GIPC2: variants seen among roughly 807,000 people sequenced by gnomAD.
GIPC2 encodes PDZ domain-containing protein GIPC2.
In GIPC2, 30 loss-of-function variants were observed where a neutral mutation model predicts 30.6. The ratio of observed to expected loss-of-function variants is 0.98; its 90% confidence interval spans 0.73 to 1.33. The LOEUF is 1.33. Among genes scored for constraint, GIPC2 ranks in the 40% most tolerant of loss-of-function variants. The pLI, the probability that GIPC2 is intolerant of heterozygous loss-of-function variation, is 0.00. For synonymous variants in GIPC2, 167 were observed against 150.0 expected (o/e 1.11, Z -0.83); for missense variants, 414 against 390.3 (o/e 1.06, Z -0.51).
intron 1 of GIPC2, among the ~76,000 whole-genome samples, chr1:78,066,301 T>C (rs1557530160): frequency 6.6e-6 from 1 of 152,144 alleles, no homozygotes; most frequent in Non-Finnish European, 1.5e-5. Flanking sequence ...ACATCACTGA[T>C]CATTAGAAAA....
intron 1 of GIPC2, among the ~76,000 whole-genome samples, chr1:78,067,447 TTTTTC>T (rs1661539693): frequency 6.6e-6 from 1 of 152,132 alleles, no homozygotes; most frequent in South Asian, 2.1e-4. Context: ...TTTTCTTTTC[TTTTTC>T]TTTTCTTTCT....
chr1:78,095,265 A>G (rs1446418107), intron 3 of GIPC2, 133 bp downstream of exon 3: 2 of 596,884 alleles, frequency 3.4e-6, no homozygotes, highest in African/African-American at 1.8e-5. Flanking sequence ...AGTTAAAAAC[A>G]TAGAAAATGG....
At chr1:78,050,893 C>T (rs1661185041) in intron 1 of GIPC2, among the ~76,000 whole-genome samples, 1 of 152,118 alleles carries the variant, frequency 6.6e-6, no homozygotes, top group Admixed American at 6.5e-5. Flanking sequence ...CTCAGCCTCC[C>T]AAAGTGCTGA....
chr1:78,051,363 TTTAGA>T (rs1264807602), intron 1 of GIPC2, among the ~76,000 whole-genome samples: 1 of 152,210 alleles, frequency 6.6e-6, no homozygotes, highest in Non-Finnish European at 1.5e-5. Context: ...CTTTTACTTG[TTTAGA>T]TTAGTTTGCG....
intron 2 of GIPC2, among the ~76,000 whole-genome samples, chr1:78,093,838 T>C (rs1195332509): frequency 6.6e-6 from 1 of 152,162 alleles, no homozygotes. Flanking sequence ...TCCTCATCAC[T>C]GTGGAAGAAC....
intron 1 of GIPC2, among the ~76,000 whole-genome samples, chr1:78,055,776 A>G (rs1189649396): frequency 6.6e-6 from 1 of 152,154 alleles, no homozygotes; most frequent in Non-Finnish European, 1.5e-5. Context: ...TCCAGCCTAC[A>G]GGGTCATGTG....
chr1:78,093,082 A>G (rs891134981), intron 2 of GIPC2, among the ~76,000 whole-genome samples: 5 of 152,220 alleles, frequency 3.3e-5, no homozygotes, highest in Non-Finnish European at 7.3e-5. Flanking sequence ...TGAAATTTGT[A>G]TGGTGTAGTT....
intron 1 of GIPC2, among the ~76,000 whole-genome samples, chr1:78,061,304 T>C (rs1661387500): frequency 6.6e-6 from 1 of 152,080 alleles, no homozygotes; most frequent in Admixed American, 6.5e-5. Flanking sequence ...GGAAGCCAAT[T>C]GAAGGTGGAC....
chr1:78,049,150 AC>A (rs1661149756), intron 1 of GIPC2, among the ~76,000 whole-genome samples: 1 of 152,140 alleles, frequency 6.6e-6, no homozygotes, highest in Admixed American at 6.5e-5. Flanking sequence ...AATGATGTAA[AC>A]AACTTTTTTT....
At chr1:78,127,849 C>T (rs938511041) in intron 5 of GIPC2, among the ~76,000 whole-genome samples, 2 of 152,072 alleles carry the variant, frequency 1.3e-5, no homozygotes, top group Non-Finnish European at 2.9e-5. Flanking sequence ...GCCTCCATAC[C>T]CAGCTATTTA....
intron 3 of GIPC2, among the ~76,000 whole-genome samples, chr1:78,116,139 A>T (rs980992636): frequency 1.3e-5 from 2 of 152,230 alleles, no homozygotes; most frequent in African/African-American, 4.8e-5. Flanking sequence ...GCAACAGACG[A>T]AAGAGAGCAT....
At chr1:78,075,011 AT>A (rs1482566601) in intron 1 of GIPC2, among the ~76,000 whole-genome samples, 2 of 152,210 alleles carry the variant, frequency 1.3e-5, no homozygotes, top group African/African-American at 2.4e-5. Context: ...GTAACAGAAA[AT>A]CCAACCCAGG....
rs555474866 is a variant in GIPC2 at position 78,087,719 on chromosome 1, A to G, written c.426+6859A>G. On this transcript the variant is annotated intron_variant, in intron 2 of 5. Transcript: ENST00000370759. ...TGGAATGGGCAAAGATTTCATGACA[A>G]AGACACCAAAGCAATCAGAATAGAA... Among the ~76,000 whole-genome samples the G allele has an allele frequency of 2.0e-5, 3 of 151,874 alleles. No homozygotes were observed. In the South Asian group the frequency reaches 6.2e-4, roughly 32 times the overall value.
chr1:78,107,356 G>A (rs2100403995), intron 3 of GIPC2, among the ~76,000 whole-genome samples: 1 of 152,096 alleles, frequency 6.6e-6, no homozygotes, highest in South Asian at 2.1e-4. Flanking sequence ...CTTTGCCCAG[G>A]CTGGTCTTGA....
At chr1:78,080,986 A>C (rs547550331) in intron 2 of GIPC2, 126 bp downstream of exon 2, 1 of 495,020 alleles carries the variant, frequency 2.0e-6, no homozygotes, top group Admixed American at 3.9e-5. Flanking sequence ...ATGAATTGGT[A>C]ATGTTTCACT....
chr1:78,115,644 A>C (rs984257771), intron 3 of GIPC2, among the ~76,000 whole-genome samples: 1 of 152,168 alleles, frequency 6.6e-6, no homozygotes, highest in African/African-American at 2.4e-5. Flanking sequence ...CACAGGACAT[A>C]CTATAACTGG....
rs935995067 is a variant in GIPC2, at chr1:78,138,157, G to T, written c.*2414G>T. 9.2e-5 allele frequency: 14 copies of T among 152,130 alleles called. No individual in the cohort carries two copies. Among genetic ancestry groups the T allele is most frequent in the Non-Finnish European group, 2.1e-4 (14 of 68,034 alleles). The allele number at this position is 152,130 out of a possible 1,614,324, so 9.4% of individuals were successfully genotyped here. A position where few individuals can be genotyped will look rare whatever the true frequency, so the allele number is the denominator to read the frequency against. ...CAAATGATAATTGTATGTTGGGCTC[G>T]ATGAGGCCTTGAACATAGCTGAGTC... On this transcript the variant is annotated 3_prime_UTR_variant, in exon 6 of 6. Transcript: ENST00000370759.
At chr1:78,082,219 G>A (rs2100349466) in intron 2 of GIPC2, among the ~76,000 whole-genome samples, 1 of 152,234 alleles carries the variant, frequency 6.6e-6, no homozygotes, top group African/African-American at 2.4e-5. Context: ...TTCAGGATTT[G>A]GATCTATGAG....
Position 78,060,900 on chromosome 1 carries a change from C to CTT in GIPC2, c.240+14577_240+14578dup, listed in dbSNP as rs34398214. 2.6e-4 allele frequency among the ~76,000 whole-genome samples: 38 copies of CTT among 145,448 alleles called. 1 individual carries two copies. Among genetic ancestry groups the CTT allele is most frequent in the East Asian group, 2.0e-3 (10 of 4,952 alleles). Reference sequence around the variant, plus strand: ...GGGGTATATCCCCCCACTTTATCTTCTTTTTTTTTTTTAACTCAATTAAGA... The same window carrying CTT: ...GGGGTATATCCCCCCACTTTATCTTCTTTTTTTTTTTTTTAACTCAATTAAGA... On this transcript the variant is annotated intron_variant, in intron 1 of 5. Transcript: ENST00000370759.
Sources: gnomAD v4.1 joint callset for allele counts (sites outside exome capture counted in the v4.1 genomes callset) on GRCh38, gnomAD v4.1.1 for gene constraint, MANE v1.5 for transcripts, NCBI Gene and HGNC (gene_info 2026-07-23, HGNC 2026-07-21) for gene names.